The following PTK2B variants were observed in gnomAD, a reference collection of about 807,000 sequenced individuals.
PTK2B encodes the protein protein tyrosine kinase 2 beta, also known as protein-tyrosine kinase 2-beta.
In PTK2B, 71 loss-of-function variants were observed where a neutral mutation model predicts 142.9. The ratio of observed to expected loss-of-function variants is 0.50; its 90% CI spans 0.41 to 0.61. The LOEUF (loss-of-function observed/expected upper bound fraction) is 0.61, where lower values mean the gene tolerates loss of function less well. PTK2B is among the 20% of genes least tolerant of loss of function. The probability of loss-of-function intolerance (pLI) is 0.00; values close to 1 mark genes in which losing one functional copy is unlikely to be tolerated. For synonymous variants in PTK2B, 519 were observed against 503.4 expected, an observed-to-expected ratio of 1.03 and a Z score of -0.42; for missense variants, 1,105 against 1,320.4, an observed-to-expected ratio of 0.84 and a Z score of 2.53.
At chr8:27,400,832 G>T (rs1324159471) in intron 2 of PTK2B, among the ~76,000 whole-genome samples, 2 of 152,186 alleles carry the variant, frequency 1.3e-5, no homozygotes, top group Non-Finnish European at 2.9e-5. Context: ...AAAGAATCTA[G>T]AGACAAGATT....
In PTK2B at chr8:27,311,710, G is replaced by C. The variant is rs1015135538; in HGVS notation, c.-581+1G>C. The C allele has an allele frequency of 6.1e-6, 1 of 164,884 alleles. No homozygotes were observed. The highest frequency in any genetic ancestry group is 1.3e-5 in the Non-Finnish European group (1 of 76,896). The allele number at this position is 164,884 out of a possible 1,614,324, so 10.2% of individuals were successfully genotyped here. ...AGTAGTGGCTGGGTCTTAAAGCACC[G>C]TGAGTGCAATCACCACTTAAGTTTG... On this transcript the variant is annotated splice_donor_variant, in intron 1 of 35. Transcript: ENST00000397501. LOFTEE classifies it low-confidence loss of function (5UTR_SPLICE).
At chr8:27,367,676 G>A (rs1435280720) in intron 1 of PTK2B, among the ~76,000 whole-genome samples, 1 of 152,204 alleles carries the variant, frequency 6.6e-6, no homozygotes, top group Admixed American at 6.5e-5. Context: ...TGCAAGCATG[G>A]CACCAACATC....
intron 1 of PTK2B, among the ~76,000 whole-genome samples, chr8:27,343,556 A>G (rs999599482): frequency 2.6e-5 from 4 of 152,178 alleles, no homozygotes; most frequent in Non-Finnish European, 5.9e-5. Flanking sequence ...CTAATGACAT[A>G]TCACCCCGGA....
chr8:27,406,162 G>A (rs1016588818), intron 2 of PTK2B, among the ~76,000 whole-genome samples: 12 of 152,214 alleles, frequency 7.9e-5, no homozygotes, highest in South Asian at 4.2e-4. Context: ...CCATCTTCAC[G>A]TGGACTTCTC....
At chr8:27,369,221 G>C (rs1806195985) in intron 1 of PTK2B, among the ~76,000 whole-genome samples, 1 of 151,974 alleles carries the variant, frequency 6.6e-6, no homozygotes, top group Non-Finnish European at 1.5e-5. Context: ...CACACCCCCT[G>C]CCCTACAGCT....
chr8:27,311,495 C>T (rs1802971534), exon 1 of PTK2B: 2 of 545,496 alleles, frequency 3.7e-6, no homozygotes, highest in East Asian at 6.5e-5. Context: ...GTTCCCGCCT[C>T]CTCAGGTCCG....
At chr8:27,341,700 G>T (rs761665461) in intron 1 of PTK2B, among the ~76,000 whole-genome samples, 6 of 152,150 alleles carry the variant, frequency 3.9e-5, no homozygotes, top group Non-Finnish European at 8.8e-5. Flanking sequence ...TTCTGACAGG[G>T]TCTTGCTCTG....
intron 18 of PTK2B, chr8:27,438,126 T>C (rs1810908923): frequency 2.3e-6 from 1 of 444,314 alleles, no homozygotes. Context: ...TCTGTCTATA[T>C]ATCAAGACCT....
rs113341403 is a variant in PTK2B at position 27,397,802 on chromosome 8, G to A, written c.204+14G>A. The A allele has an allele frequency of 3.6e-5, 58 of 1,612,796 alleles. 1 individual carries two copies. The African/African-American group carries it at 4.1e-4, about 11-fold the overall frequency. ...ACGGAGATCCGGGTAAGTGTGAAGT[G>A]TCTGCCCTGTCCATCTGTCTGTCCC... On this transcript the variant is annotated intron_variant, in intron 2 of 30. Transcript: ENST00000346049.
chr8:27,430,182 C>CT (rs769745455), intron 6 of PTK2B, 27 bp downstream of exon 6: 10 of 1,602,004 alleles, frequency 6.2e-6, no homozygotes, highest in Admixed American at 3.3e-5. Flanking sequence ...CCCATCTCCC[C>CT]TCCCTTCCTG....
chr8:27,324,897 C>T (rs1024367200), upstream of PTK2B, among the ~76,000 whole-genome samples: 2 of 152,146 alleles, frequency 1.3e-5, no homozygotes, highest in African/African-American at 4.8e-5. Context: ...TATCACCGGC[C>T]TGAGGAAAGA....
chr8:27,364,263 C>T (rs1398833738), intron 1 of PTK2B, among the ~76,000 whole-genome samples: 2 of 152,204 alleles, frequency 1.3e-5, no homozygotes, highest in African/African-American at 2.4e-5. Context: ...TCAGAGAATG[C>T]ACCTCAGGGG....
chr8:27,311,104 G>A (rs1802941095), upstream of PTK2B: 4 of 1,598,088 alleles, frequency 2.5e-6, no homozygotes, highest in Non-Finnish European at 3.4e-6. Context: ...AGCGGCTCAC[G>A]CACCCGCGGC....
chr8:27,311,246 G>A (rs1368874098), upstream of PTK2B: 2 of 1,494,696 alleles, frequency 1.3e-6, no homozygotes, highest in South Asian at 2.7e-5. Context: ...GGCACGAGCA[G>A]CCGGCTCGGG....
intron 1 of PTK2B, among the ~76,000 whole-genome samples, chr8:27,343,047 C>T (rs1430828699): frequency 6.6e-6 from 1 of 152,188 alleles, no homozygotes; most frequent in Non-Finnish European, 1.5e-5. Flanking sequence ...CCGATGTGCT[C>T]ATCAACCTTG....
intron 20 of PTK2B, 61 bp downstream of exon 20, chr8:27,439,459 A>G (rs1811015431): frequency 6.5e-7 from 1 of 1,532,522 alleles, no homozygotes; most frequent in South Asian, 1.1e-5. Flanking sequence ...GAACCAGGCT[A>G]AGGGGGTGGG....
At chr8:27,388,907 T>C (rs1438213659) in intron 1 of PTK2B, among the ~76,000 whole-genome samples, 3 of 152,206 alleles carry the variant, frequency 2.0e-5, no homozygotes, top group Non-Finnish European at 2.9e-5. Context: ...TTCAAAAATT[T>C]CTTAGCAGAT....
In PTK2B at chr8:27,426,398, C is replaced by G. The variant is rs149255754; in HGVS notation, c.552-3695C>G. Among the ~76,000 whole-genome samples the G allele has an allele frequency of 3.4e-3, 511 of 152,292 alleles. 2 individuals are homozygous for G. Among genetic ancestry groups the G allele is most frequent in the African/African-American group, 0.012 (481 of 41,554 alleles). On this transcript the variant is annotated intron_variant, in intron 5 of 30. Coordinates refer to ENST00000346049, the MANE Select transcript of PTK2B (RefSeq NM_173176.3). The stretch of plus-strand genomic sequence containing the variant: ...GACCAGTCAGGCACTAGAGGGCACT[C>G]CAGGTAGGCACAGCCTCACTCAGTG...
chr8:27,397,520 C>G, intron 1 of PTK2B, 28 bp from the exon 2 acceptor site: 1 of 1,570,060 alleles, frequency 6.4e-7, no homozygotes, highest in Non-Finnish European at 8.7e-7. Flanking sequence ...GGGGCTCTTT[C>G]AGGGCTGACC....
Sources: gnomAD v4.1 joint callset for allele counts (sites outside exome capture counted in the v4.1 genomes callset) on GRCh38, gnomAD v4.1.1 for gene constraint, MANE v1.5 for transcripts, NCBI Gene and HGNC (gene_info 2026-07-23, HGNC 2026-07-21) for gene names.